PDE6C: variants seen among roughly 807,000 people sequenced by gnomAD.
PDE6C encodes cone cGMP-specific 3',5'-cyclic phosphodiesterase subunit alpha'.
A neutral mutation model predicts 113.1 loss-of-function variants in PDE6C; 75 were observed. The observed-to-expected ratio is 0.66, with a 90% CI of 0.55 to 0.80. PDE6C has a LOEUF of 0.80. PDE6C is among the 30% of genes least tolerant of loss of function. The pLI, the probability that PDE6C is intolerant of heterozygous loss-of-function variation, is 0.00. For missense variants in PDE6C, 912 were observed against 1,038.6 expected (o/e 0.88, Z 1.67); for synonymous variants, 375 against 363.7 (o/e 1.03, Z -0.35).
chr10:93,637,649 T>C (rs1450340720), intron 11 of PDE6C, among the ~76,000 whole-genome samples: 2 of 152,252 alleles, frequency 1.3e-5, no homozygotes, highest in African/African-American at 4.8e-5. Flanking sequence ...TACATTTAAT[T>C]CTTTTGTTAA....
chr10:93,658,500 A>AG (rs2058651111), intron 16 of PDE6C, among the ~76,000 whole-genome samples: 1 of 152,106 alleles, frequency 6.6e-6, no homozygotes, highest in South Asian at 2.1e-4. Flanking sequence ...TTAAAGAGAC[A>AG]GGGTCTTGCT....
At chr10:93,662,710 C>A in intron 20 of PDE6C, 67 bp downstream of exon 20, 2 of 841,248 alleles carry the variant, frequency 2.4e-6, no homozygotes, top group South Asian at 2.8e-5. Context: ...TTCAAACTGT[C>A]ACCAAAATTT....
chr10:93,622,639 G>GTTTTTTTTTTTTTTTTTTT (rs67350128), intron 4 of PDE6C, among the ~76,000 whole-genome samples: 5 of 113,990 alleles, frequency 4.4e-5, no homozygotes, highest in Admixed American at 9.0e-5. Context: ...GTAGCCACAG[G>GTTTTTTTTTTTTTTTTTTT]TTTTTTTTTT....
At chr10:93,649,565 A>G (rs1316499523) in intron 15 of PDE6C, among the ~76,000 whole-genome samples, 1 of 152,160 alleles carries the variant, frequency 6.6e-6, no homozygotes, top group Non-Finnish European at 1.5e-5. Context: ...TTGGTTTTTA[A>G]TCAACTTCAT....
At chr10:93,646,129 T>C (rs1379505213) in intron 15 of PDE6C, 82 bp downstream of exon 15, 1 of 832,450 alleles carries the variant, frequency 1.2e-6, no homozygotes, top group South Asian at 1.4e-5. Flanking sequence ...GGAAAAAGGG[T>C]GGCCTTGAGT....
intron 21 of PDE6C, among the ~76,000 whole-genome samples, chr10:93,664,421 G>A (rs1372332064): frequency 2.6e-5 from 4 of 152,208 alleles, no homozygotes; most frequent in African/African-American, 9.6e-5. Context: ...TAAAGAGTGC[G>A]AAGTACATAT....
chr10:93,613,739 T>C (rs1293722057), intron 1 of PDE6C, among the ~76,000 whole-genome samples: 2 of 152,218 alleles, frequency 1.3e-5, no homozygotes, highest in Non-Finnish European at 2.9e-5. Context: ...GAAAAAATGA[T>C]GCCATTTGAA....
chr10:93,649,206 G>A (rs751165823), intron 15 of PDE6C, among the ~76,000 whole-genome samples: 19 of 152,174 alleles, frequency 1.2e-4, no homozygotes, highest in Admixed American at 2.0e-4. Context: ...GTCAGGGCCC[G>A]TGGCCAGAGG....
intron 18 of PDE6C, 130 bp from the exon 19 acceptor site, chr10:93,661,928 TA>T: frequency 1.4e-6 from 1 of 725,494 alleles, no homozygotes; most frequent in Non-Finnish European, 2.5e-6. Flanking sequence ...TTTTAAAAGT[TA>T]AGAGCATACG....
chr10:93,647,027 A>T (rs2058587856), intron 15 of PDE6C, among the ~76,000 whole-genome samples: 2 of 152,208 alleles, frequency 1.3e-5, no homozygotes, highest in Non-Finnish European at 2.9e-5. Flanking sequence ...AGCCCCTTGA[A>T]TTCATTGTGA....
rs761235570 is a variant in PDE6C at position 93,635,425 on chromosome 10, G to A, written c.1270-72G>A. 2.7e-4 allele frequency: 307 copies of A among 1,149,456 alleles called. 1 individual carries two copies. The highest frequency in any genetic ancestry group is 3.8e-4 in the Non-Finnish European group (291 of 759,540). The allele number at this position is 1,149,456 out of a possible 1,614,324, so 71.2% of individuals were successfully genotyped here. ...ATGGAAGGGAGATGGATAGAAAAGCGTGCAGATTGTTGCCTCCAAACCAAT... is the reference window on the plus strand; with the variant it reads ...ATGGAAGGGAGATGGATAGAAAAGCATGCAGATTGTTGCCTCCAAACCAAT... On this transcript the variant is annotated intron_variant, in intron 9 of 21. Coordinates refer to ENST00000371447, the MANE Select transcript of PDE6C (RefSeq NM_006204.4).
intron 4 of PDE6C, among the ~76,000 whole-genome samples, chr10:93,623,764 G>C (rs1285811351): frequency 6.6e-6 from 1 of 152,082 alleles, no homozygotes; most frequent in Non-Finnish European, 1.5e-5. Context: ...AACTATATTT[G>C]TAAGGGTCTA....
intron 7 of PDE6C, 124 bp from the exon 8 acceptor site, chr10:93,629,134 G>T: frequency 1.2e-6 from 1 of 809,672 alleles, no homozygotes; most frequent in Non-Finnish European, 2.2e-6. Context: ...CCATTTGCCC[G>T]CAAGCAGTCA....
chr10:93,651,058 T>C (rs1022375322), intron 15 of PDE6C, among the ~76,000 whole-genome samples: 6 of 152,228 alleles, frequency 3.9e-5, no homozygotes, highest in African/African-American at 1.4e-4. Flanking sequence ...AACTTGTTGG[T>C]ATTTTGGTTG....
intron 4 of PDE6C, 145 bp downstream of exon 4, chr10:93,622,217 T>G: frequency 1.1e-6 from 1 of 887,986 alleles, no homozygotes; most frequent in Admixed American, 2.0e-5. Flanking sequence ...GTGTGTGTCT[T>G]GGAGCAAAAA....
At chr10:93,618,611 G>A (rs919361085) in intron 1 of PDE6C, among the ~76,000 whole-genome samples, 1 of 152,186 alleles carries the variant, frequency 6.6e-6, no homozygotes, top group Non-Finnish European at 1.5e-5. Flanking sequence ...TCTGAGAGCG[G>A]TACCATTTCT....
chr10:93,631,797 C>A (rs2058503048), intron 8 of PDE6C, among the ~76,000 whole-genome samples: 2 of 152,348 alleles, frequency 1.3e-5, no homozygotes, highest in East Asian at 1.9e-4. Context: ...ATAAAAAGAA[C>A]TGCCATCAGA....
intron 10 of PDE6C, among the ~76,000 whole-genome samples, chr10:93,636,397 T>TGTGTGTGTG (rs1554890083): frequency 6.6e-6 from 1 of 151,446 alleles, no homozygotes; most frequent in African/African-American, 2.4e-5. Context: ...TGTGTGTGTG[T>TGTGTGTGTG]GTGTGTGTGT....
intron 4 of PDE6C, among the ~76,000 whole-genome samples, chr10:93,624,427 A>G (rs181347961): frequency 9.2e-5 from 14 of 152,200 alleles, no homozygotes; most frequent in African/African-American, 3.4e-4. Context: ...TAGTAGAGAC[A>G]GGATTTCGCC....
Sources: allele counts gnomAD v4.1 joint callset (sites outside exome capture counted in the v4.1 genomes callset), GRCh38; gene constraint gnomAD v4.1.1; transcripts MANE v1.5; gene names NCBI Gene and HGNC (gene_info 2026-07-23, HGNC 2026-07-21).